The following OPN3 variants were observed in gnomAD, a reference collection of about 807,000 sequenced individuals.
The protein encoded by OPN3 is opsin 3.
OPN3 carries 29 observed loss-of-function variants against 33.8 expected under a neutral mutation model. The ratio of observed to expected loss-of-function variants is 0.86; its 90% CI spans 0.64 to 1.17. OPN3 has a LOEUF of 1.17. Among genes scored for constraint, OPN3 ranks in the 50% most tolerant of loss-of-function variants. The pLI is 0.00. For missense variants in OPN3, 437 were observed against 514.1 expected (o/e 0.85, Z 1.45); for synonymous variants, 216 against 216.1 (o/e 1.00, Z 0.00).
intron 1 of OPN3, chr1:241,634,267 T>A: frequency 6.2e-7 from 1 of 1,613,992 alleles, no homozygotes; most frequent in Middle Eastern, 1.6e-4. Context: ...CCTTCATGCA[T>A]GTCATGGTTG....
At chr1:241,594,730 G>A (rs762833837) in intron 3 of OPN3, 39 bp from the exon 4 acceptor site, 5 of 1,594,900 alleles carry the variant, frequency 3.1e-6, no homozygotes, top group African/African-American at 1.3e-5. Flanking sequence ...TTAAGTAAAA[G>A]TTGGGCACTA....
At chr1:241,601,944 T>C (rs544646178) in intron 2 of OPN3, among the ~76,000 whole-genome samples, 2 of 152,310 alleles carry the variant, frequency 1.3e-5, no homozygotes, top group Non-Finnish European at 2.9e-5. Flanking sequence ...TTAATCTTTA[T>C]ATTTGTTAAA....
chr1:241,604,589 G>A lies in OPN3; in HGVS notation c.374-10C>T, dbSNP rs1382013368. The A allele has an allele frequency of 6.2e-7, 1 of 1,603,968 alleles. No individual in the cohort carries two copies. On this transcript the variant is annotated splice_polypyrimidine_tract_variant and intron_variant, in intron 1 of 3. Transcript: ENST00000366554. ...GCAATGGAAACAATCCCTGCAAGAA[G>A]AGAAAGTGGAAAAGTATAGCATGGT...
chr1:241,616,504 A>G (rs1272058332), intron 1 of OPN3, among the ~76,000 whole-genome samples: 3 of 152,094 alleles, frequency 2.0e-5, no homozygotes, highest in African/African-American at 7.2e-5. Flanking sequence ...TTTTGGTACA[A>G]TTCTGTGTAC....
At chr1:241,604,746 A>C (rs1187895518) in intron 1 of OPN3, among the ~76,000 whole-genome samples, 167 bp from the exon 2 acceptor site, 1 of 152,160 alleles carries the variant, frequency 6.6e-6, no homozygotes, top group Non-Finnish European at 1.5e-5. Context: ...ATTATACTGA[A>C]AATAGTTATC....
chr1:241,634,437 C>T, intron 1 of OPN3: 2 of 1,613,628 alleles, frequency 1.2e-6, no homozygotes, highest in Middle Eastern at 3.3e-4. Flanking sequence ...GAGCATGTTT[C>T]CTCAGAAAGG....
chr1:241,627,409 G>T (rs943128375), intron 1 of OPN3, among the ~76,000 whole-genome samples: 12 of 152,056 alleles, frequency 7.9e-5, no homozygotes, highest in Admixed American at 6.5e-4. Flanking sequence ...CTCATTAATG[G>T]GTCTCAATAC....
intron 3 of OPN3, among the ~76,000 whole-genome samples, chr1:241,597,196 G>A (rs1474734635): frequency 6.6e-6 from 1 of 152,096 alleles, no homozygotes; most frequent in Non-Finnish European, 1.5e-5. Flanking sequence ...TAACAACCCA[G>A]GCCAATTGCT....
chr1:241,631,994 T>C (rs1664653896), intron 1 of OPN3: 1 of 152,104 alleles, frequency 6.6e-6, no homozygotes, highest in Non-Finnish European at 1.5e-5. Context: ...ATTCTCTTAT[T>C]TCTTCTTTGA....
chr1:241,620,898 A>C (rs1047431889), intron 1 of OPN3, among the ~76,000 whole-genome samples: 3 of 152,194 alleles, frequency 2.0e-5, no homozygotes, highest in Admixed American at 6.5e-5. Flanking sequence ...GGGCAGGAAG[A>C]AATGTTATAA....
In OPN3 at chr1:241,593,943, TTC is replaced by T. The variant is rs1285379471; in HGVS notation, c.*483_*484del. 1 of 154,698 alleles carries T rather than the reference TTC, an allele frequency of 6.5e-6. No individual in the cohort carries two copies. The highest frequency in any genetic ancestry group is 2.4e-5 in the African/African-American group (1 of 41,454). The allele number at this position is 154,698 out of a possible 1,614,324, so 9.6% of individuals were successfully genotyped here. On this transcript the variant is annotated 3_prime_UTR_variant, in exon 4 of 4. Transcript: ENST00000366554. ...GTCTTTTGTTTCCAACAAGAGGATT[TTC>T]TTTTTCATTCTAGAATTATCTCCTT...
chr1:241,634,740 T>C (rs762492317), intron 1 of OPN3: 34 of 1,614,008 alleles, frequency 2.1e-5, no homozygotes, highest in Non-Finnish European at 2.9e-5. Flanking sequence ...GTCATTGCAA[T>C]TGAGTGCAGT....
Position 241,635,454 on chromosome 1 carries a change from C to T in OPN3, c.373+4428G>A, listed in dbSNP as rs374763241. Reference sequence around the variant, plus strand: ...ACGTTGTCCTCCATATCCTGACTGGCGTAGCAAAAAGCTTCTGTGTGTTGA... The same window carrying T: ...ACGTTGTCCTCCATATCCTGACTGGTGTAGCAAAAAGCTTCTGTGTGTTGA... On this transcript the variant is annotated intron_variant, in intron 1 of 3. Coordinates refer to ENST00000366554, the MANE Select transcript of OPN3 (RefSeq NM_014322.3). 2.0e-5 allele frequency: 32 copies of T among 1,613,530 alleles called. No homozygotes were observed. The highest frequency in any genetic ancestry group is 1.6e-4 in the African/African-American group (12 of 74,874).
chr1:241,597,189 C>T (rs1663549869), intron 3 of OPN3, among the ~76,000 whole-genome samples: 1 of 152,124 alleles, frequency 6.6e-6, no homozygotes, highest in African/African-American at 2.4e-5. Context: ...ATGTGAATAA[C>T]AACCCAGGCC....
intron 1 of OPN3, among the ~76,000 whole-genome samples, chr1:241,624,475 T>C (rs1480019560): frequency 6.6e-6 from 1 of 152,222 alleles, no homozygotes; most frequent in Non-Finnish European, 1.5e-5. Flanking sequence ...TTTGAAGCAT[T>C]CCTAGATTTC....
Position 241,615,841 on chromosome 1 carries a change from C to T in OPN3, c.374-11262G>A, listed in dbSNP as rs1288351019. The T allele has an allele frequency of 4.8e-5, 22 of 456,444 alleles. No homozygotes were observed. In the Admixed American group the frequency reaches 5.2e-4, roughly 11 times the overall value. The allele number at this position is 456,444 out of a possible 1,614,324, so 28.3% of individuals were successfully genotyped here. On this transcript the variant is annotated intron_variant, in intron 1 of 3. Coordinates refer to ENST00000366554, the MANE Select transcript of OPN3 (RefSeq NM_014322.3). Reference sequence around the variant, plus strand: ...AAGCTTCAGCTGCTGCCACTGTCACCACCATTGCATACCTGCATGCAGATA... The same window carrying T: ...AAGCTTCAGCTGCTGCCACTGTCACTACCATTGCATACCTGCATGCAGATA...
At chr1:241,635,797 G>T in intron 1 of OPN3, 1 of 1,575,674 alleles carries the variant, frequency 6.3e-7, no homozygotes, top group Non-Finnish European at 8.6e-7. Context: ...GGTGACAACT[G>T]CTGATGAAAG....
intron 1 of OPN3, among the ~76,000 whole-genome samples, chr1:241,609,295 G>T (rs554446136): frequency 6.6e-6 from 1 of 152,292 alleles, no homozygotes; most frequent in African/African-American, 2.4e-5. Flanking sequence ...TGGAAAGAAG[G>T]TCTGTGGCTC....
Position 241,640,203 on chromosome 1 carries a change from C to A in OPN3, c.52G>T (p.Ala18Ser), listed in dbSNP as rs1372607435. 3 of 1,363,986 alleles carry A rather than the reference C, an allele frequency of 2.2e-6. No homozygotes were observed. Among genetic ancestry groups the A allele is most frequent in the African/African-American group, 1.5e-5 (1 of 65,078 alleles). 84.5% of individuals were successfully genotyped at this position (1,363,986 alleles called of 1,614,324 possible). ...GGCGCCGGCCCCTCAGCGCCCGCGGCCCCGCCGCCGTCCCAGTAGCCGTGG... is the reference window on the plus strand; with the variant it reads ...GGCGCCGGCCCCTCAGCGCCCGCGGACCCGCCGCCGTCCCAGTAGCCGTGG... ...GGHGYWDGGG[A>S]AGAEGPAPAG... Residue 18 changes from alanine (A) to serine (S), a missense_variant, in exon 1 of 4, where the codon GCC (alanine) becomes TCC (serine). By Grantham distance (99) the Ala-to-Ser change is moderately conservative. Coordinates refer to ENST00000366554, the MANE Select transcript of OPN3 (RefSeq NM_014322.3).
Sources: gnomAD v4.1 joint callset for allele counts (sites outside exome capture counted in the v4.1 genomes callset) on GRCh38, gnomAD v4.1.1 for gene constraint, MANE v1.5 for transcripts, NCBI Gene and HGNC (gene_info 2026-07-23, HGNC 2026-07-21) for gene names.